The following CSMD3 variants were observed in gnomAD, a reference collection of about 807,000 sequenced individuals.
The protein encoded by CSMD3 is CUB and Sushi multiple domains 3, also known as CUB and sushi domain-containing protein 3.
CSMD3 carries 177 observed loss-of-function variants against 435.2 expected under a neutral mutation model. The observed-to-expected ratio is 0.41, with a 90% CI of 0.36 to 0.46. The LOEUF is 0.46. Ranked by LOEUF, CSMD3 falls within the 20% of genes least tolerant of loss-of-function variation. The pLI, the probability that CSMD3 is intolerant of heterozygous loss-of-function variation, is 0.34. For synonymous variants in CSMD3, 1,656 were observed against 1,520.5 expected, an observed-to-expected ratio of 1.09 and a Z score of -2.07; for missense variants, 4,265 against 4,504.6, an observed-to-expected ratio of 0.95 and a Z score of 1.52.
intron 2 of CSMD3, chr8:113,312,944 A>G (rs1375326254): frequency 6.6e-6 from 1 of 152,216 alleles, no homozygotes; most frequent in Non-Finnish European, 1.5e-5. Flanking sequence ...GAGGAAAAAA[A>G]GAAAGAAAAA....
At chr8:112,693,026 C>T (rs2076172529) in intron 13 of CSMD3, among the ~76,000 whole-genome samples, 1 of 151,778 alleles carries the variant, frequency 6.6e-6, no homozygotes, top group Non-Finnish European at 1.5e-5. Context: ...TGGTTTAAAG[C>T]ACCCATTGGG....
At chr8:112,284,379 A>G (rs1399204354) in intron 58 of CSMD3, among the ~76,000 whole-genome samples, 1 of 151,890 alleles carries the variant, frequency 6.6e-6, no homozygotes, top group Non-Finnish European at 1.5e-5. Context: ...ATTTGGAATA[A>G]AGAGTAAAAA....
chr8:113,315,881 G>C (rs973211718), intron 1 of CSMD3, among the ~76,000 whole-genome samples: 1 of 151,594 alleles, frequency 6.6e-6, no homozygotes, highest in South Asian at 2.1e-4. Context: ...ACCACGCCCG[G>C]CTAATTTTTG....
intron 1 of CSMD3, among the ~76,000 whole-genome samples, chr8:113,318,945 C>G (rs191081633): frequency 6.6e-6 from 1 of 151,882 alleles, no homozygotes; most frequent in Admixed American, 6.6e-5. Flanking sequence ...ATCAATTTAT[C>G]TCTCAACGTG....
chr8:113,391,695 T>C (rs1169592086), intron 1 of CSMD3, among the ~76,000 whole-genome samples: 1 of 151,918 alleles, frequency 6.6e-6, no homozygotes, highest in Non-Finnish European at 1.5e-5. Flanking sequence ...TAAATATGTG[T>C]GAGAAGATGC....
At chr8:113,039,905 C>T (rs2087531531) in intron 5 of CSMD3, among the ~76,000 whole-genome samples, 1 of 152,116 alleles carries the variant, frequency 6.6e-6, no homozygotes, top group Non-Finnish European at 1.5e-5. Context: ...GTTAATTGAG[C>T]ACTTTATATA....
chr8:112,890,652 G>A lies in CSMD3; in HGVS notation c.1633+30975C>T, dbSNP rs73346012. On this transcript the variant is annotated intron_variant, in intron 10 of 70. Coordinates refer to ENST00000297405, the MANE Select transcript of CSMD3 (RefSeq NM_198123.2). ...ACTTCTGTCATTTTTCACTAAAAAA[G>A]CATAGGCTAAATTCATTTTCACTAT... 4.9e-3 allele frequency among the ~76,000 whole-genome samples: 743 copies of A among 151,764 alleles called. 4 individuals carry two copies. Among genetic ancestry groups the A allele is most frequent in the African/African-American group, 0.017 (690 of 41,496 alleles).
At chr8:112,245,535 T>G (rs1413982743) in intron 64 of CSMD3, among the ~76,000 whole-genome samples, 2 of 152,130 alleles carry the variant, frequency 1.3e-5, no homozygotes, top group African/African-American at 4.8e-5. Flanking sequence ...TGGTTTTTTG[T>G]TTTTGATTTT....
At chr8:112,384,677 T>C (rs1322811964) in intron 36 of CSMD3, among the ~76,000 whole-genome samples, 1 of 152,244 alleles carries the variant, frequency 6.6e-6, no homozygotes, top group East Asian at 1.9e-4. Context: ...TATTCTTCCA[T>C]GCAAGTGAAT....
At chr8:112,636,578 A>G (rs1363374516) in intron 22 of CSMD3, among the ~76,000 whole-genome samples, 2 of 148,958 alleles carry the variant, frequency 1.3e-5, no homozygotes, top group Non-Finnish European at 3.0e-5. Context: ...CTATCTATCT[A>G]TCTATCTAAT....
At chr8:112,501,697 C>T (rs1468949162) in intron 30 of CSMD3, among the ~76,000 whole-genome samples, 1 of 152,020 alleles carries the variant, frequency 6.6e-6, no homozygotes, top group Non-Finnish European at 1.5e-5. Flanking sequence ...TACAGATGTC[C>T]TAAAAAGAAT....
chr8:112,591,189 A>AC (rs113489632), intron 22 of CSMD3, among the ~76,000 whole-genome samples: 2 of 152,056 alleles, frequency 1.3e-5, no homozygotes, highest in Non-Finnish European at 2.9e-5. Context: ...CATATAAAAT[A>AC]TTTTTTTATT....
At chr8:112,468,059 A>G (rs1231145920) in intron 32 of CSMD3, among the ~76,000 whole-genome samples, 15 of 152,204 alleles carry the variant, frequency 9.9e-5, no homozygotes, top group Admixed American at 9.2e-4. Context: ...GAAGAGAGAT[A>G]GAGGTGGGAG....
At chr8:112,562,119 A>C (rs1305197430) in intron 24 of CSMD3, among the ~76,000 whole-genome samples, 1 of 151,626 alleles carries the variant, frequency 6.6e-6, no homozygotes. Context: ...GATTCAACCA[A>C]AATCTCCTAA....
At chr8:112,452,168 A>G (rs1212539138) in intron 32 of CSMD3, among the ~76,000 whole-genome samples, 1 of 152,224 alleles carries the variant, frequency 6.6e-6, no homozygotes, top group East Asian at 1.9e-4. Context: ...TTAGCAAACT[A>G]CAAAATTGAC....
chr8:113,240,731 G>C (rs549011861), intron 3 of CSMD3, among the ~76,000 whole-genome samples: 1 of 152,232 alleles, frequency 6.6e-6, no homozygotes, highest in South Asian at 2.1e-4. Flanking sequence ...ATTGCAACAT[G>C]AACAGGTAAT....
chr8:112,924,324 C>G (rs866304471), intron 9 of CSMD3, among the ~76,000 whole-genome samples: 1 of 152,090 alleles, frequency 6.6e-6, no homozygotes, highest in Non-Finnish European at 1.5e-5. Context: ...AAAGTAGTAG[C>G]TACAAGCTAA....
intron 12 of CSMD3, among the ~76,000 whole-genome samples, chr8:112,812,829 A>G (rs2432742): frequency 0.11 from 17,021 of 152,258 alleles, 1,180 homozygotes; most frequent in Middle Eastern, 0.26. Context: ...TTCCTGCTAA[A>G]ATGAGATAAA....
chr8:113,017,172 CAT>C (rs1273687574), intron 6 of CSMD3, among the ~76,000 whole-genome samples: 1 of 151,970 alleles, frequency 6.6e-6, no homozygotes, highest in Non-Finnish European at 1.5e-5. Context: ...TCATAAAACA[CAT>C]CTTTTCCATT....
Sources: gnomAD v4.1 joint callset for allele counts (sites outside exome capture counted in the v4.1 genomes callset) on GRCh38, gnomAD v4.1.1 for gene constraint, MANE v1.5 for transcripts, NCBI Gene and HGNC (gene_info 2026-07-23, HGNC 2026-07-21) for gene names.